Variants in ADAMTS6 observed in about 807,000 individuals in gnomAD.
The protein encoded by ADAMTS6 is ADAM metallopeptidase with thrombospondin type 1 motif 6.
In ADAMTS6, 23 loss-of-function variants were observed where a neutral mutation model predicts 144.3. The ratio of observed to expected loss-of-function variants is 0.16; its 90% CI spans 0.11 to 0.23. ADAMTS6 has a LOEUF of 0.23. ADAMTS6 is among the 10% of genes least tolerant of loss of function. The pLI is 1.00. For synonymous variants in ADAMTS6, 444 were observed against 457.5 expected (o/e 0.97, Z 0.38); for missense variants, 999 against 1,379.6 (o/e 0.72, Z 4.37).
In ADAMTS6 at chr5:65,220,546, G is replaced by A. The variant is rs146399198; in HGVS notation, c.2272+3774C>T. 4.7e-3 allele frequency among the ~76,000 whole-genome samples: 722 copies of A among 152,078 alleles called. 4 individuals carry two copies. The highest frequency in any genetic ancestry group is 8.6e-3 in the Non-Finnish European group (587 of 67,970). ...TGCATCATGAGGTCAGGAGATCGAG[G>A]TAATCCTGGCTAACACGGTGAAACC... On this transcript the variant is annotated intron_variant, in intron 18 of 24. Transcript: ENST00000381055.
chr5:65,334,232 C>CTG lies in ADAMTS6; in HGVS notation c.1074-148_1074-147insCA, dbSNP rs1747086961. On this transcript the variant is annotated intron_variant, in intron 7 of 24. Transcript: ENST00000381055. The stretch of plus-strand genomic sequence containing the variant: ...CTGGAGTGTCGGCATTTTCAGCACT[C>CTG]TACAGTGCTGAGGGACACCACAGGC... 5 of 845,112 alleles carry CTG rather than the reference C, an allele frequency of 5.9e-6. No homozygotes were observed. In the South Asian group the frequency reaches 1.2e-4, roughly 21 times the overall value. 52.4% of individuals were successfully genotyped at this position (845,112 alleles called of 1,614,324 possible).
chr5:65,447,714 A>G (rs138859023), intron 7 of ADAMTS6, among the ~76,000 whole-genome samples: 4 of 152,078 alleles, frequency 2.6e-5, no homozygotes, highest in Admixed American at 6.5e-5. Context: ...TAATCATCAA[A>G]TAATTCTAAC....
In ADAMTS6 at chr5:65,394,253, T is replaced by C. The variant is rs1212727455; in HGVS notation, c.1073+57222A>G. On this transcript the variant is annotated intron_variant, in intron 7 of 24. Coordinates refer to ENST00000381055, the MANE Select transcript of ADAMTS6 (RefSeq NM_197941.4). Reference sequence around the variant, plus strand: ...CAGGCTGGTTGCCCTGAAGCCAGCATGCTGGACAAAAGCCCAAACTAGTCC... The same window carrying C: ...CAGGCTGGTTGCCCTGAAGCCAGCACGCTGGACAAAAGCCCAAACTAGTCC... Among the ~76,000 whole-genome samples the C allele has an allele frequency of 2.0e-5, 3 of 152,202 alleles. No homozygotes were observed. In the East Asian group the frequency reaches 5.8e-4, roughly 29 times the overall value.
At chr5:65,255,480 C>G (rs950372974) in intron 14 of ADAMTS6, among the ~76,000 whole-genome samples, 9 of 152,078 alleles carry the variant, frequency 5.9e-5, no homozygotes, top group Non-Finnish European at 1.0e-4. Context: ...GCTTAGCTCC[C>G]ACTTATGGCT....
intron 7 of ADAMTS6, among the ~76,000 whole-genome samples, chr5:65,335,482 C>A (rs973883722): frequency 2.6e-5 from 4 of 152,118 alleles, no homozygotes; most frequent in African/African-American, 9.7e-5. Flanking sequence ...TAGCCACAAC[C>A]TTTTCTAGCA....
intron 12 of ADAMTS6, 78 bp from the exon 13 acceptor site, chr5:65,263,040 G>C: frequency 6.4e-7 from 1 of 1,556,686 alleles, no homozygotes; most frequent in South Asian, 1.1e-5. Context: ...TAAGGGTCAG[G>C]TACTGACCAA....
intron 24 of ADAMTS6, among the ~76,000 whole-genome samples, chr5:65,160,346 G>A (rs573048311): frequency 4.4e-4 from 64 of 145,530 alleles, no homozygotes; most frequent in African/African-American, 1.5e-3. Context: ...TCGCTCTGTC[G>A]CCCAGGCTGG....
At chr5:65,203,942 C>T (rs1031496956) in intron 20 of ADAMTS6, among the ~76,000 whole-genome samples, 1 of 152,118 alleles carries the variant, frequency 6.6e-6, no homozygotes, top group African/African-American at 2.4e-5. Flanking sequence ...TTCAGATTCA[C>T]CCAAGTTTTT....
intron 14 of ADAMTS6, among the ~76,000 whole-genome samples, chr5:65,258,442 G>C (rs1760882557): frequency 6.6e-6 from 1 of 152,198 alleles, no homozygotes; most frequent in African/African-American, 2.4e-5. Flanking sequence ...AGATTGTGTA[G>C]ACCTTGCAGG....
intron 14 of ADAMTS6, among the ~76,000 whole-genome samples, chr5:65,244,764 C>T (rs748915261): frequency 2.0e-5 from 3 of 152,048 alleles, no homozygotes; most frequent in African/African-American, 4.8e-5. Flanking sequence ...GATACTTTCA[C>T]GATAAGTGTG....
At chr5:65,418,440 G>A (rs1427657981) in intron 7 of ADAMTS6, among the ~76,000 whole-genome samples, 1 of 152,050 alleles carries the variant, frequency 6.6e-6, no homozygotes, top group Non-Finnish European at 1.5e-5. Context: ...ACACTCCTCT[G>A]CCAAATAGGG....
At chr5:65,325,544 C>T (rs1009131457) in intron 9 of ADAMTS6, among the ~76,000 whole-genome samples, 2 of 149,816 alleles carry the variant, frequency 1.3e-5, no homozygotes, top group Admixed American at 6.7e-5. Flanking sequence ...GAATGGAGTG[C>T]GGTGGCATGA....
chr5:65,296,188 T>G (rs1055902326), intron 10 of ADAMTS6, among the ~76,000 whole-genome samples: 1 of 152,174 alleles, frequency 6.6e-6, no homozygotes, highest in Non-Finnish European at 1.5e-5. Flanking sequence ...TAACACTTAA[T>G]GCCACCTCCT....
intron 1 of ADAMTS6, among the ~76,000 whole-genome samples, chr5:65,478,988 T>G (rs1267070825): frequency 6.6e-6 from 1 of 152,214 alleles, no homozygotes. Context: ...TCCTCTATCA[T>G]CTTTACTTCC....
At position 65,195,098 on chromosome 5, in the gene ADAMTS6, C is replaced by T. The variant is rs189488518; in HGVS notation, c.2705+1924G>A. 1.8e-3 allele frequency among the ~76,000 whole-genome samples: 273 copies of T among 152,260 alleles called. 4 individuals are homozygous for T. The highest frequency in any genetic ancestry group is 6.2e-3 in the African/African-American group (256 of 41,538). On this transcript the variant is annotated intron_variant, in intron 21 of 24. Coordinates refer to ENST00000381055, the MANE Select transcript of ADAMTS6 (RefSeq NM_197941.4). Reference sequence around the variant, plus strand: ...AATGCCAAATATACTACTTAAGATCCTGAATGTCAGAGAATTAACGTAATA... The same window carrying T: ...AATGCCAAATATACTACTTAAGATCTTGAATGTCAGAGAATTAACGTAATA...
intron 20 of ADAMTS6, among the ~76,000 whole-genome samples, chr5:65,212,432 T>C (rs2112317127): frequency 6.7e-6 from 1 of 149,462 alleles, no homozygotes; most frequent in South Asian, 2.1e-4. Context: ...TCTTTTTTTT[T>C]TTTTTTTTTT....
intron 7 of ADAMTS6, among the ~76,000 whole-genome samples, chr5:65,362,068 A>G (rs1749877522): frequency 6.6e-6 from 1 of 152,176 alleles, no homozygotes; most frequent in Non-Finnish European, 1.5e-5. Context: ...CACTCAAGAA[A>G]ACTGCTTGGT....
chr5:65,448,205 C>G (rs1375148554), intron 7 of ADAMTS6, among the ~76,000 whole-genome samples: 1 of 151,836 alleles, frequency 6.6e-6, no homozygotes, highest in African/African-American at 2.4e-5. Context: ...AAACAACATT[C>G]AAAATTCCTT....
intron 20 of ADAMTS6, among the ~76,000 whole-genome samples, chr5:65,212,931 G>A (rs764418149): frequency 5.3e-5 from 8 of 152,090 alleles, no homozygotes; most frequent in Non-Finnish European, 1.2e-4. Flanking sequence ...AATTATGTAT[G>A]TATTGTTCTA....
Sources: gnomAD v4.1 joint callset for allele counts (sites outside exome capture counted in the v4.1 genomes callset) on GRCh38, gnomAD v4.1.1 for gene constraint, MANE v1.5 for transcripts, NCBI Gene and HGNC (gene_info 2026-07-23, HGNC 2026-07-21) for gene names.